Variants in RAPGEF4 observed in about 807,000 individuals in gnomAD.
The protein encoded by RAPGEF4 is Rap guanine nucleotide exchange factor 4.
RAPGEF4 carries 66 observed loss-of-function variants against 147.9 expected under a neutral mutation model. That is an observed-to-expected ratio of 0.45 (90% CI 0.37 to 0.55). The LOEUF (loss-of-function observed/expected upper bound fraction) is 0.55. Ranked by LOEUF, RAPGEF4 falls within the 20% of genes least tolerant of loss-of-function variation. The probability of loss-of-function intolerance (pLI) is 0.00; values close to 1 mark genes in which losing one functional copy is unlikely to be tolerated. For missense variants in RAPGEF4, 1,071 were observed against 1,257.3 expected (o/e 0.85, Z 2.24); for synonymous variants, 419 against 442.7 (o/e 0.95, Z 0.67).
intron 1 of RAPGEF4, among the ~76,000 whole-genome samples, chr2:172,781,664 T>C (rs1005929646): frequency 1.7e-4 from 26 of 152,164 alleles, no homozygotes; most frequent in Admixed American, 2.0e-4. Flanking sequence ...AGGACCCCGC[T>C]TGGATACCAA....
intron 4 of RAPGEF4, among the ~76,000 whole-genome samples, chr2:172,864,011 G>A (rs927903770): frequency 2.6e-5 from 4 of 152,122 alleles, no homozygotes; most frequent in Non-Finnish European, 5.9e-5. Context: ...AGTGTTCAGG[G>A]TTAACTACAA....
chr2:172,885,522 C>A (rs1697105547), intron 4 of RAPGEF4, among the ~76,000 whole-genome samples: 1 of 152,210 alleles, frequency 6.6e-6, no homozygotes, highest in African/African-American at 2.4e-5. Flanking sequence ...ATTGGACTTA[C>A]AGTTCCACGT....
chr2:172,886,589 C>A (rs1338838457), intron 4 of RAPGEF4, among the ~76,000 whole-genome samples: 1 of 152,154 alleles, frequency 6.6e-6, no homozygotes, highest in African/African-American at 2.4e-5. Context: ...GTTCTTGGGG[C>A]AGTACTGTTC....
intron 26 of RAPGEF4, among the ~76,000 whole-genome samples, chr2:173,033,300 T>C (rs1697370840): frequency 6.6e-6 from 1 of 152,180 alleles, no homozygotes; most frequent in South Asian, 2.1e-4. Context: ...GAGAAGCAGC[T>C]GTGTGACTCT....
chr2:172,936,641 G>T (rs1049130767), intron 6 of RAPGEF4, among the ~76,000 whole-genome samples: 9 of 150,820 alleles, frequency 6.0e-5, no homozygotes, highest in African/African-American at 2.0e-4. Context: ...CCTTGTCAAA[G>T]TTACTTTTCA....
At chr2:173,036,928 G>T in intron 29 of RAPGEF4, 1 of 401,078 alleles carries the variant, frequency 2.5e-6, no homozygotes, top group Non-Finnish European at 4.5e-6. Context: ...TTTATGCCGT[G>T]TGTTTCTTCC....
intron 3 of RAPGEF4, among the ~76,000 whole-genome samples, chr2:172,805,052 G>T (rs1048448262): frequency 6.6e-6 from 1 of 152,204 alleles, no homozygotes; most frequent in Non-Finnish European, 1.5e-5. Flanking sequence ...GCATCAGATA[G>T]TGGCATGGAT....
At chr2:172,739,003 T>A (rs768438389) in intron 1 of RAPGEF4, among the ~76,000 whole-genome samples, 40 of 152,118 alleles carry the variant, frequency 2.6e-4, no homozygotes, top group Non-Finnish European at 5.7e-4. Flanking sequence ...TGGGGAAGGG[T>A]GTTGCAAGTG....
At chr2:173,009,676 G>T (rs1471602636) in intron 17 of RAPGEF4, among the ~76,000 whole-genome samples, 1 of 152,150 alleles carries the variant, frequency 6.6e-6, no homozygotes, top group East Asian at 1.9e-4. Context: ...ACTTCAAGTT[G>T]GAATTTGAAT....
intron 3 of RAPGEF4, among the ~76,000 whole-genome samples, chr2:172,797,901 T>C: frequency 6.6e-6 from 1 of 152,192 alleles, no homozygotes; most frequent in Admixed American, 6.5e-5. Flanking sequence ...GCAATTTCAG[T>C]GTGACACAAA....
At chr2:173,050,477 A>G (rs914255722) in intron 30 of RAPGEF4, among the ~76,000 whole-genome samples, 5 of 152,044 alleles carry the variant, frequency 3.3e-5, no homozygotes, top group African/African-American at 1.2e-4. Flanking sequence ...ATGGCATTCT[A>G]ATTGTCTTTG....
At chr2:172,898,074 G>A (rs997544301) in intron 4 of RAPGEF4, among the ~76,000 whole-genome samples, 1 of 152,170 alleles carries the variant, frequency 6.6e-6, no homozygotes, top group Non-Finnish European at 1.5e-5. Context: ...GCAATAGCAG[G>A]AGAGCCAGTG....
intron 14 of RAPGEF4, among the ~76,000 whole-genome samples, chr2:172,989,302 C>T (rs1692586393): frequency 1.3e-5 from 2 of 151,692 alleles, no homozygotes; most frequent in East Asian, 3.9e-4. Flanking sequence ...CTCATATCAT[C>T]ATACATTCCC....
At chr2:172,791,346 G>A (rs1042846259) in intron 1 of RAPGEF4, among the ~76,000 whole-genome samples, 1 of 152,198 alleles carries the variant, frequency 6.6e-6, no homozygotes, top group Non-Finnish European at 1.5e-5. Context: ...TGAGGTCGCT[G>A]TAGAAGATTA....
intron 4 of RAPGEF4, chr2:172,821,876 C>G: frequency 6.3e-7 from 1 of 1,590,150 alleles, no homozygotes; most frequent in Non-Finnish European, 8.6e-7. Flanking sequence ...AGGGAATGAA[C>G]GGCAATGAAG....
intron 4 of RAPGEF4, among the ~76,000 whole-genome samples, chr2:172,834,040 C>T (rs1040481434): frequency 2.6e-5 from 4 of 152,168 alleles, no homozygotes; most frequent in Non-Finnish European, 4.4e-5. Flanking sequence ...GGCTCCAAGA[C>T]GCAATTCCCA....
At chr2:172,962,647 G>A (rs766939359) in intron 8 of RAPGEF4, among the ~76,000 whole-genome samples, 3 of 151,992 alleles carry the variant, frequency 2.0e-5, no homozygotes, top group African/African-American at 4.8e-5. Flanking sequence ...GACCAAAATT[G>A]ACAGTGTATT....
At chr2:172,915,740 A>G (rs1684003979) in intron 4 of RAPGEF4, among the ~76,000 whole-genome samples, 1 of 149,856 alleles carries the variant, frequency 6.7e-6, no homozygotes, top group Non-Finnish European at 1.5e-5. Flanking sequence ...GTTTTGCTTC[A>G]AAATAATTCT....
chr2:173,041,962 C>G (rs1217060232), intron 29 of RAPGEF4, among the ~76,000 whole-genome samples: 1 of 152,212 alleles, frequency 6.6e-6, no homozygotes, highest in Admixed American at 6.5e-5. Flanking sequence ...CCCTGATCTC[C>G]CCTCCTCCCT....
Sources: gnomAD v4.1 joint callset for allele counts (sites outside exome capture counted in the v4.1 genomes callset) on GRCh38, gnomAD v4.1.1 for gene constraint, MANE v1.5 for transcripts, NCBI Gene and HGNC (gene_info 2026-07-23, HGNC 2026-07-21) for gene names.